Variants in PLEKHG7 observed in about 807,000 individuals in gnomAD.
PLEKHG7 encodes pleckstrin homology and RhoGEF domain containing G7.
In PLEKHG7, 77 loss-of-function variants were observed where a neutral mutation model predicts 85.2. The observed-to-expected ratio is 0.90, with a 90% CI of 0.75 to 1.09. PLEKHG7 has a LOEUF of 1.09. Among genes scored for constraint, PLEKHG7 ranks in the 50% least tolerant of loss-of-function variants. PLEKHG7 has a pLI of 0.00. For synonymous variants in PLEKHG7, 301 were observed against 302.4 expected (o/e 1.00, Z 0.05); for missense variants, 777 against 804.3 (o/e 0.97, Z 0.41).
At chr12:92,769,878 A>G (rs766942415) in intron 16 of PLEKHG7, among the ~76,000 whole-genome samples, 7 of 152,198 alleles carry the variant, frequency 4.6e-5, no homozygotes, top group Non-Finnish European at 7.3e-5. Context: ...TACCATACTC[A>G]TTTAGCCCAT....
intron 7 of PLEKHG7, among the ~76,000 whole-genome samples, chr12:92,739,962 A>G (rs962993966): frequency 1.3e-5 from 2 of 152,174 alleles, no homozygotes; most frequent in African/African-American, 4.8e-5. Context: ...TTGGAAATGC[A>G]TGTTCTCAGA....
chr12:92,768,941 T>A (rs751822737), intron 15 of PLEKHG7, 42 bp from the exon 16 acceptor site: 45 of 1,350,668 alleles, frequency 3.3e-5, no homozygotes, highest in Non-Finnish European at 3.1e-6. Context: ...GGATTTCATA[T>A]GAAATGATTT....
rs774991604 is a variant in PLEKHG7, at chr12:92,764,056, G to C, written c.1732G>C (p.Asp578His). The C allele has an allele frequency of 4.5e-5, 73 of 1,605,106 alleles. No homozygotes were observed. Among genetic ancestry groups the C allele is most frequent in the Non-Finnish European group, 6.0e-5 (71 of 1,175,682 alleles). ...TTAATTTCAGAAACTTGGAGGCTCA[G>C]ACCCTGGTTTAATGTGTCCTTCTCT... ...KCNKKKLGGS[D>H]PGLMCPSLTP... is the part of the protein sequence containing the mutation. Residue 578 changes from aspartate (D) to histidine (H), a missense_variant, in exon 15 of 17, where the codon GAC becomes CAC. Transcript: ENST00000344636.
Position 92,738,260 on chromosome 12 carries a change from A to AATAGAGCAAGGAAGAGAACC in PLEKHG7, c.939+748_939+767dup, listed in dbSNP as rs538543291. Reference sequence around the variant, plus strand: ...AACACAGAATTTTTTCTAGAAGAACAATAGAGCAAGGAAGAGAACCATAGA... The same window carrying AATAGAGCAAGGAAGAGAACC: ...AACACAGAATTTTTTCTAGAAGAACAATAGAGCAAGGAAGAGAACCATAGAGCAAGGAAGAGAACCATAGA... On this transcript the variant is annotated intron_variant, in intron 7 of 16. Transcript: ENST00000344636. Among the ~76,000 whole-genome samples, 632 of 152,324 alleles carry AATAGAGCAAGGAAGAGAACC rather than the reference A, an allele frequency of 4.1e-3. 6 individuals carry two copies. Among genetic ancestry groups the AATAGAGCAAGGAAGAGAACC allele is most frequent in the Middle Eastern group, 0.01 (3 of 292 alleles).
intron 13 of PLEKHG7, 128 bp downstream of exon 13, chr12:92,756,519 A>C: frequency 2.7e-6 from 2 of 741,376 alleles, no homozygotes; most frequent in South Asian, 3.3e-5. Context: ...TGTGAATGAG[A>C]GAGTCCCTAT....
At chr12:92,707,537 T>G (rs946871151) in intron 2 of PLEKHG7, 113 bp from the exon 3 acceptor site, 2 of 1,504,526 alleles carry the variant, frequency 1.3e-6, no homozygotes, top group African/African-American at 2.8e-5. Flanking sequence ...CACCAAAATG[T>G]AAAACATGTT....
intron 7 of PLEKHG7, among the ~76,000 whole-genome samples, chr12:92,738,066 G>A (rs376244552): frequency 5.9e-5 from 9 of 152,250 alleles, no homozygotes; most frequent in African/African-American, 9.6e-5. Flanking sequence ...TTGCTCCCTC[G>A]TGAACAGTAC....
chr12:92,720,278 T>C (rs181521898), intron 3 of PLEKHG7, among the ~76,000 whole-genome samples: 27 of 152,116 alleles, frequency 1.8e-4, no homozygotes, highest in Admixed American at 1.4e-3. Context: ...CCTCTGTTCG[T>C]CTTCACATAC....
chr12:92,703,236 A>G (rs996773776), intron 1 of PLEKHG7, 104 bp downstream of exon 1: 2 of 152,232 alleles, frequency 1.3e-5, no homozygotes, highest in African/African-American at 4.8e-5. Flanking sequence ...TCCAGGTCTC[A>G]TTAGAATTAG....
At chr12:92,745,329 C>A in intron 9 of PLEKHG7, 149 bp from the exon 10 acceptor site, 1 of 580,206 alleles carries the variant, frequency 1.7e-6, no homozygotes, top group South Asian at 2.4e-5. Context: ...CTTTGTATTT[C>A]CATGCAGTTG....
At chr12:92,760,103 C>T (rs762014117) in intron 13 of PLEKHG7, among the ~76,000 whole-genome samples, 1 of 152,096 alleles carries the variant, frequency 6.6e-6, no homozygotes, top group Non-Finnish European at 1.5e-5. Context: ...CTGCCCTTCA[C>T]GAATATGACT....
At chr12:92,705,554 C>G (rs1871207696) in intron 1 of PLEKHG7, among the ~76,000 whole-genome samples, 1 of 152,204 alleles carries the variant, frequency 6.6e-6, no homozygotes, top group Non-Finnish European at 1.5e-5. Context: ...AATATACGGT[C>G]AACTACTAAT....
intron 13 of PLEKHG7, 112 bp from the exon 14 acceptor site, chr12:92,761,623 GAAGAAAGAAAGAAAGAA>G (rs1190905910): frequency 3.5e-5 from 25 of 718,842 alleles, no homozygotes; most frequent in African/African-American, 1.1e-4. Flanking sequence ...AAGAAAGAAA[GAAGAAAGAAAGAAAGAA>G]AGAAAGAAAG....
chr12:92,769,136 C>T (rs990937861), intron 16 of PLEKHG7, 56 bp downstream of exon 16: 12 of 1,302,534 alleles, frequency 9.2e-6, no homozygotes, highest in Admixed American at 2.0e-5. Flanking sequence ...TAAGCTCCCC[C>T]CAAGTGTCTT....
rs754255622 is a variant in PLEKHG7, at chr12:92,755,829, C to A, written c.1431C>A (p.Asp477Glu). The A allele has an allele frequency of 6.2e-6, 10 of 1,605,650 alleles. No homozygotes were observed. Among genetic ancestry groups the A allele is most frequent in the Non-Finnish European group, 6.8e-6 (8 of 1,173,260 alleles). ...IKEKVEKSIR[D>E]LEGKVKWLDN... ...TGACTATGTCATGTCTTTCAGGGGA[C>A]CTTGAAGGAAAAGTGAAGTGGCTGG... The change falls in exon 12 of 17, where the codon GAC becomes GAA. Residue 477 changes from aspartate (D) to glutamate (E), a missense_variant. Physicochemically the swap from Asp to Glu is conservative, Grantham distance 45. Transcript: ENST00000344636.
intron 3 of PLEKHG7, among the ~76,000 whole-genome samples, chr12:92,717,708 T>G (rs943671244): frequency 2.6e-5 from 4 of 152,218 alleles, no homozygotes; most frequent in Admixed American, 1.3e-4. Flanking sequence ...GTTTGTAGCC[T>G]GGGAACCCCC....
intron 1 of PLEKHG7, among the ~76,000 whole-genome samples, chr12:92,704,766 T>TG (rs142055913): frequency 9.2e-5 from 14 of 152,338 alleles, no homozygotes; most frequent in Non-Finnish European, 1.8e-4. Flanking sequence ...TTTATAGAGA[T>TG]GGGGTCTCAC....
At chr12:92,717,647 C>T (rs1871526947) in intron 3 of PLEKHG7, among the ~76,000 whole-genome samples, 1 of 152,160 alleles carries the variant, frequency 6.6e-6, no homozygotes, top group African/African-American at 2.4e-5. Context: ...CAAATACTTC[C>T]CATTGTGTTA....
chr12:92,713,791 C>T (rs933725508), intron 3 of PLEKHG7, among the ~76,000 whole-genome samples: 1 of 152,182 alleles, frequency 6.6e-6, no homozygotes. Context: ...TGAGGCATTT[C>T]CAGCTCACTC....
Sources: gnomAD v4.1 joint callset for allele counts (sites outside exome capture counted in the v4.1 genomes callset) on GRCh38, gnomAD v4.1.1 for gene constraint, MANE v1.5 for transcripts, NCBI Gene and HGNC (gene_info 2026-07-23, HGNC 2026-07-21) for gene names.